Variants in PCDHGA2 observed in about 807,000 individuals in gnomAD.
PCDHGA2 encodes the protein protocadherin gamma-A2.
Under a neutral mutation model 59.2 loss-of-function variants are expected in PCDHGA2, and 40 were observed. The ratio of observed to expected loss-of-function variants is 0.68; its 90% CI spans 0.52 to 0.88. The LOEUF (loss-of-function observed/expected upper bound fraction) is 0.88. PCDHGA2 is among the 40% of genes least tolerant of loss of function. PCDHGA2 has a pLI of 0.00. For synonymous variants in PCDHGA2, 560 were observed against 526.0 expected (o/e 1.06, Z -0.89); for missense variants, 1,226 against 1,204.0 (o/e 1.02, Z -0.27).
intron 1 of PCDHGA2, chr5:141,421,518 TGA>T: frequency 6.2e-7 from 1 of 1,614,058 alleles, no homozygotes; most frequent in Non-Finnish European, 8.5e-7. Flanking sequence ...AGGAGCTCTG[TGA>T]GACGGTGTCC....
At position 141,340,961 on chromosome 5, in the gene PCDHGA2, G is replaced by A. The variant is rs1475554511; in HGVS notation, c.1990G>A (p.Val664Met). 3 of 1,613,770 alleles carry A rather than the reference G, an allele frequency of 1.9e-6. No homozygotes were observed. The highest frequency in any genetic ancestry group is 1.1e-5 in the South Asian group (1 of 91,068). ...CGCCACTGTCACGCTCACCGTGGCCGTGGCCGACAGGATCCCCGACATCCT... is the reference window on the plus strand; with the variant it reads ...CGCCACTGTCACGCTCACCGTGGCCATGGCCGACAGGATCCCCGACATCCT... ...LSATVTLTVA[V>M]ADRIPDILAD... The change falls in exon 1 of 4, where the codon GTG (valine) becomes ATG (methionine). Residue 664 changes from valine to methionine, a missense_variant. Coordinates refer to ENST00000394576, the MANE Select transcript of PCDHGA2 (RefSeq NM_018915.4).
chr5:141,352,628 GA>G (rs1561503837), intron 1 of PCDHGA2: 4 of 1,611,516 alleles, frequency 2.5e-6, no homozygotes, highest in Non-Finnish European at 3.4e-6. Flanking sequence ...TGCCAGTAAT[GA>G]AGATCACAAA....
rs539727453 is a variant in PCDHGA2 at position 141,487,510 on chromosome 5, C to G, written c.2425-7297C>G. ...GCTGTACACCCTTGGCTTCTGCACC[C>G]ACTCGGAGTGATAGCTTCATGATGG... On this transcript the variant is annotated intron_variant, in intron 1 of 3. Coordinates refer to ENST00000394576, the MANE Select transcript of PCDHGA2 (RefSeq NM_018915.4). This position sits in a 1 kb window ranked among gnomAD's most constrained non-coding sequence, Gnocchi z 5.0. The G allele has an allele frequency of 2.5e-6, 4 of 1,614,210 alleles. No homozygotes were observed. The highest frequency in any genetic ancestry group is 2.2e-5 in the East Asian group (1 of 44,860).
chr5:141,447,919 C>G (rs940570932), intron 1 of PCDHGA2, among the ~76,000 whole-genome samples: 2 of 152,012 alleles, frequency 1.3e-5, no homozygotes, highest in East Asian at 1.9e-4. Context: ...AACTCTGTCT[C>G]CACTAAAAAT....
intron 1 of PCDHGA2, chr5:141,365,738 T>A (rs1378974315): frequency 1.9e-6 from 3 of 1,613,586 alleles, no homozygotes; most frequent in Admixed American, 3.3e-5. Context: ...CAGAGGTGTC[T>A]CTATCTTCTC....
chr5:141,402,324 A>G (rs895598623), intron 1 of PCDHGA2, among the ~76,000 whole-genome samples: 2 of 152,012 alleles, frequency 1.3e-5, no homozygotes, highest in Admixed American at 1.3e-4. Context: ...TTTTACATTT[A>G]CAAATATATA....
Position 141,476,667 on chromosome 5 carries a change from T to C in PCDHGA2, c.2425-18140T>C. 6.2e-7 allele frequency: 1 copy of C among 1,614,234 alleles called. No individual in the cohort carries two copies. Among genetic ancestry groups the C allele is most frequent in the Non-Finnish European group, 8.5e-7 (1 of 1,180,042 alleles). ...CGAAATGAATACTTTGCGCTTCGCG[T>C]GCAGACGCGGGAGGACAGCACCAAG... On this transcript the variant is annotated intron_variant, in intron 1 of 3. Transcript: ENST00000394576. The surrounding 1 kb of genome is among the most constrained non-coding windows in gnomAD (Gnocchi z 7.6).
chr5:141,388,907 C>T (rs1321583045), intron 1 of PCDHGA2: 5 of 1,613,786 alleles, frequency 3.1e-6, no homozygotes, highest in African/African-American at 1.3e-5. Context: ...AAAATGACAA[C>T]GCCCCAGAAG....
At position 141,510,947 on chromosome 5, in the gene PCDHGA2, A is replaced by C; in HGVS notation, c.2573A>C (p.Glu858Ala). Residue 858 changes from glutamate to alanine, a missense_variant and splice_region_variant, in exon 4 of 4, where the codon GAA (glutamate) becomes GCA (alanine). By Grantham distance (107) the Glu-to-Ala change is moderately radical. Transcript: ENST00000394576. ...ACCTGATCTTCCTCTGTCTCTGCAG[A>C]AGCTGCTGATGGGAGCTCCACCCTG... ...LQAMILASAS[E>A]AADGSSTLGG... The C allele has an allele frequency of 6.2e-7, 1 of 1,614,084 alleles. No individual in the cohort carries two copies. Among genetic ancestry groups the C allele is most frequent in the Non-Finnish European group, 8.5e-7 (1 of 1,180,000 alleles).
Position 141,339,632 on chromosome 5 carries a change from G to C in PCDHGA2, c.661G>C (p.Val221Leu), listed in dbSNP as rs769963743. ...CGTGGCTTCTGATGGGGGTGACCCA[G>C]TGCTATCTGGCACCTCCCGCATCTG... is the stretch of plus-strand genomic sequence containing the variant. ...VLVASDGGDP[V>L]LSGTSRICVK... Residue 221 changes from valine (V) to leucine (L), a missense_variant, in exon 1 of 4, where the codon GTG becomes CTG. By Grantham distance (32) the Val-to-Leu change is conservative. Coordinates refer to ENST00000394576, the MANE Select transcript of PCDHGA2 (RefSeq NM_018915.4). 6.2e-7 allele frequency: 1 copy of C among 1,614,194 alleles called. No individual in the cohort carries two copies. Among genetic ancestry groups the C allele is most frequent in the Non-Finnish European group, 8.5e-7 (1 of 1,180,034 alleles).
At chr5:141,352,791 AC>A in intron 1 of PCDHGA2, 1 of 1,005,990 alleles carries the variant, frequency 9.9e-7, no homozygotes, top group Non-Finnish European at 1.4e-6. Context: ...GGAGTTTGAG[AC>A]CAGCATAGCC....
intron 1 of PCDHGA2, among the ~76,000 whole-genome samples, chr5:141,368,668 C>T (rs1198992123): frequency 1.3e-5 from 2 of 152,072 alleles, no homozygotes; most frequent in East Asian, 3.9e-4. Flanking sequence ...TCTTTAAACC[C>T]TCTATAAACT....
intron 1 of PCDHGA2, chr5:141,441,954 CA>C (rs1240871171): frequency 3.1e-6 from 1 of 319,488 alleles, no homozygotes; most frequent in Non-Finnish European, 6.0e-6. Flanking sequence ...TGCAGGCCAG[CA>C]AGCCCAGGCT....
Position 141,489,629 on chromosome 5 carries a change from C to G in PCDHGA2, c.2425-5178C>G. 6.2e-7 allele frequency: 1 copy of G among 1,614,142 alleles called. No individual in the cohort carries two copies. The highest frequency in any genetic ancestry group is 8.5e-7 in the Non-Finnish European group (1 of 1,180,014). On this transcript the variant is annotated intron_variant, in intron 1 of 3. Coordinates refer to ENST00000394576, the MANE Select transcript of PCDHGA2 (RefSeq NM_018915.4). The surrounding 1 kb of genome is among the most constrained non-coding windows in gnomAD (Gnocchi z 4.5). Reference sequence around the variant, plus strand: ...GAGATCCTGGATCTCAATGACAACTCTCCTAGCTTTGCCACCCCTGAGCGA... The same window carrying G: ...GAGATCCTGGATCTCAATGACAACTGTCCTAGCTTTGCCACCCCTGAGCGA...
chr5:141,480,021 C>G (rs1415230863), intron 1 of PCDHGA2, among the ~76,000 whole-genome samples: 1 of 152,208 alleles, frequency 6.6e-6, no homozygotes, highest in Non-Finnish European at 1.5e-5. Context: ...AATCTCCTTT[C>G]TAAGCCTCTT....
At chr5:141,377,892 CT>C (rs946360367) in intron 1 of PCDHGA2, 2 of 152,170 alleles carry the variant, frequency 1.3e-5, no homozygotes, top group Non-Finnish European at 2.9e-5. Context: ...TAGGATCCCC[CT>C]CTGTTGCCCA....
In PCDHGA2 at chr5:141,408,496, G is replaced by C. The variant is rs758752081; in HGVS notation, c.2424+67101G>C. On this transcript the variant is annotated intron_variant, in intron 1 of 3. Coordinates refer to ENST00000394576, the MANE Select transcript of PCDHGA2 (RefSeq NM_018915.4). The stretch of plus-strand genomic sequence containing the variant: ...TAGACCGTGAGCAAATATGCAAAGA[G>C]AGAAGAAGATGTGAGTTGCAATTGG... 21 of 1,613,960 alleles carry C rather than the reference G, an allele frequency of 1.3e-5. No individual in the cohort carries two copies. In the East Asian group the frequency reaches 1.3e-4, roughly 10 times the overall value.
rs983998465 is a variant in PCDHGA2 at position 141,494,817 on chromosome 5, C to T, written c.2435C>T (p.Pro812Leu). ...REETFSQQAP[P>L]NTDWRFSQAQ... ...CTGTTTTCTCCACAGCAAGCCCCGC[C>T]CAACACGGACTGGCGTTTCTCTCAG... The change falls in exon 2 of 4, where the codon CCC becomes CTC. Residue 812 changes from proline to leucine, a missense_variant. Transcript: ENST00000394576. 1.2e-6 allele frequency: 2 copies of T among 1,614,016 alleles called. No individual in the cohort carries two copies. Among genetic ancestry groups the T allele is most frequent in the Non-Finnish European group, 1.7e-6 (2 of 1,180,026 alleles).
intron 1 of PCDHGA2, chr5:141,413,000 A>G: frequency 1.7e-6 from 1 of 587,734 alleles, no homozygotes; most frequent in Admixed American, 3.6e-5. Context: ...CCGGATTCTC[A>G]GGGCTTCAAC....
Sources: allele counts gnomAD v4.1 joint callset (sites outside exome capture counted in the v4.1 genomes callset), GRCh38; gene constraint gnomAD v4.1.1; non-coding constraint Gnocchi (gnomAD v3.1); transcripts MANE v1.5; gene names NCBI Gene and HGNC (gene_info 2026-07-23, HGNC 2026-07-21).